The following B3GLCT variants were observed in gnomAD, a reference collection of about 807,000 sequenced individuals.
B3GLCT encodes beta-1,3-glucosyltransferase.
Under a neutral mutation model 63.4 loss-of-function variants are expected in B3GLCT, and 65 were observed. That is an observed-to-expected ratio of 1.03 (90% CI 0.84 to 1.26). B3GLCT has a LOEUF of 1.26. B3GLCT is among the 50% of genes most tolerant of loss of function. The probability of loss-of-function intolerance (pLI) is 0.00; values close to 1 mark genes in which losing one functional copy is unlikely to be tolerated. For missense variants in B3GLCT, 577 were observed against 604.8 expected, an observed-to-expected ratio of 0.95 and a Z score of 0.48; for synonymous variants, 233 against 219.2, an observed-to-expected ratio of 1.06 and a Z score of -0.55.
intron 14 of B3GLCT, among the ~76,000 whole-genome samples, chr13:31,326,247 A>C (rs371226985): frequency 7.0e-6 from 1 of 142,302 alleles, no homozygotes; most frequent in Non-Finnish European, 1.5e-5. Context: ...GAAAGGTTCT[A>C]ATTTTGCCCA....
intron 2 of B3GLCT, among the ~76,000 whole-genome samples, chr13:31,217,320 C>A (rs1460339274): frequency 6.6e-6 from 1 of 152,080 alleles, no homozygotes; most frequent in African/African-American, 2.4e-5. Flanking sequence ...GATTAGCTTA[C>A]ATTCCTTATA....
intron 7 of B3GLCT, among the ~76,000 whole-genome samples, chr13:31,261,569 C>T (rs1247500081): frequency 1.3e-5 from 2 of 152,112 alleles, no homozygotes; most frequent in Non-Finnish European, 2.9e-5. Context: ...TCATACCTAG[C>T]TATTTGTGTG....
intron 12 of B3GLCT, among the ~76,000 whole-genome samples, chr13:31,311,096 AG>A (rs1874682805): frequency 6.6e-6 from 1 of 152,260 alleles, no homozygotes; most frequent in East Asian, 1.9e-4. Flanking sequence ...CAACAGGAGA[AG>A]GTCAGAGAGA....
rs796656819 is a variant in B3GLCT, at chr13:31,277,389, T to TA, written c.850+629dup. ...ATTCTGCTAAGTTGTGACGATAATG[T>TA]AAAAAAAAAAAGCCCATCCTAAATA... On this transcript the variant is annotated intron_variant, in intron 10 of 14. Transcript: ENST00000343307. 6.7e-3 allele frequency among the ~76,000 whole-genome samples: 972 copies of TA among 144,158 alleles called. 16 individuals are homozygous for TA. Among genetic ancestry groups the TA allele is most frequent in the African/African-American group, 0.02 (816 of 39,810 alleles). The allele number at this position is 144,158 out of a possible 152,430, so 94.6% of individuals were successfully genotyped here.
At chr13:31,237,565 G>T (rs1291087051) in intron 4 of B3GLCT, among the ~76,000 whole-genome samples, 2 of 152,190 alleles carry the variant, frequency 1.3e-5, no homozygotes, top group East Asian at 1.9e-4. Context: ...ATGTTGGCCA[G>T]GCTTCTCTCG....
rs1365347250 is a variant in B3GLCT at position 31,216,038 on chromosome 13, A to G, written c.120+938A>G. ...TTTGCACTAGATCAGTTTAGCATGT[A>G]AAAAAGGAAACAGTAGTTTAAAATA... On this transcript the variant is annotated intron_variant, in intron 2 of 14. Transcript: ENST00000343307. Among the ~76,000 whole-genome samples the G allele has an allele frequency of 3.3e-5, 5 of 152,218 alleles. No individual in the cohort carries two copies. The East Asian group carries it at 9.6e-4, about 29-fold the overall frequency.
chr13:31,308,784 TC>T (rs760874423), intron 12 of B3GLCT, among the ~76,000 whole-genome samples: 1 of 152,204 alleles, frequency 6.6e-6, no homozygotes, highest in Non-Finnish European at 1.5e-5. Flanking sequence ...TCTTCCCTTC[TC>T]CCACAGGTCA....
intron 3 of B3GLCT, 94 bp downstream of exon 3, chr13:31,223,085 ATGGGG>A: frequency 1.2e-6 from 1 of 852,958 alleles, no homozygotes; most frequent in Non-Finnish European, 2.0e-6. Context: ...GATTTTATTT[ATGGGG>A]TAAATATTGT....
intron 1 of B3GLCT, among the ~76,000 whole-genome samples, chr13:31,207,477 C>T (rs184740092): frequency 3.9e-5 from 6 of 152,124 alleles, no homozygotes; most frequent in East Asian, 3.9e-4. Context: ...TCCTGAGTGA[C>T]GGTTTTTAAA....
chr13:31,323,890 C>T lies in B3GLCT; in HGVS notation c.1324C>T (p.His442Tyr), dbSNP rs376395941. 105 of 1,614,060 alleles carry T rather than the reference C, an allele frequency of 6.5e-5. No individual in the cohort carries two copies. The highest frequency in any genetic ancestry group is 8.1e-5 in the Non-Finnish European group (95 of 1,180,010). ...GIPVTHSPLF[H>Y]QARPVDYPKD... ...CCCTGTGACACACAGCCCTCTCTTC[C>T]ATCAGGTGAGGAAATGGTTTTTATT... The change falls in exon 14 of 15, where the codon CAT (histidine) becomes TAT (tyrosine). Residue 442 changes from histidine (H) to tyrosine (Y), a missense_variant. Coordinates refer to ENST00000343307, the MANE Select transcript of B3GLCT (RefSeq NM_194318.4).
At chr13:31,216,434 G>GT (rs2137748738) in intron 2 of B3GLCT, among the ~76,000 whole-genome samples, 1 of 151,034 alleles carries the variant, frequency 6.6e-6, no homozygotes, top group Non-Finnish European at 1.5e-5. Context: ...GTGCAGGTTT[G>GT]TTTGTTTGTT....
chr13:31,297,177 A>G (rs1016321243), intron 12 of B3GLCT, among the ~76,000 whole-genome samples: 13 of 152,120 alleles, frequency 8.5e-5, no homozygotes, highest in South Asian at 2.1e-4. Context: ...TTATCCATTC[A>G]TCTGTTGATG....
chr13:31,282,362 G>A (rs1309319932), intron 10 of B3GLCT, among the ~76,000 whole-genome samples: 1 of 152,154 alleles, frequency 6.6e-6, no homozygotes, highest in Non-Finnish European at 1.5e-5. Context: ...AGACAGGGCC[G>A]AGTGCGGTGG....
At position 31,244,904 on chromosome 13, in the gene B3GLCT, T is replaced by C. The variant is rs189147883; in HGVS notation, c.271-2119T>C. On this transcript the variant is annotated intron_variant, in intron 4 of 14. Transcript: ENST00000343307. ...CTGAGTGCCAAAGTAGCACCTACTT[T>C]GTATTTTTGAGTACTCACCTTTGGA... Among the ~76,000 whole-genome samples the C allele has an allele frequency of 1.2e-3, 187 of 152,280 alleles. 1 individual carries two copies. Among genetic ancestry groups the C allele is most frequent in the Admixed American group, 3.0e-3 (46 of 15,298 alleles).
chr13:31,237,221 C>T (rs1870698494), intron 4 of B3GLCT, among the ~76,000 whole-genome samples: 1 of 151,802 alleles, frequency 6.6e-6, no homozygotes, highest in African/African-American at 2.4e-5. Flanking sequence ...GATAACTTCA[C>T]CTGGAACTAA....
chr13:31,208,428 G>T (rs1869080539), intron 1 of B3GLCT, among the ~76,000 whole-genome samples: 1 of 152,116 alleles, frequency 6.6e-6, no homozygotes, highest in African/African-American at 2.4e-5. Flanking sequence ...ACACCCCTGT[G>T]CTGGGCTCAC....
Position 31,329,502 on chromosome 13 carries a change from C to T in B3GLCT, c.1331C>T (p.Ala444Val), listed in dbSNP as rs1448298001. Reference protein sequence around the residue: ...PVTHSPLFHQARPVDYPKDYL... With the variant: ...PVTHSPLFHQVRPVDYPKDYL... Reference sequence around the variant, plus strand: ...CCTAACTCTCTATTTTTCCTGCAGGCTCGGCCGGTGGATTACCCTAAGGAC... The same window carrying T: ...CCTAACTCTCTATTTTTCCTGCAGGTTCGGCCGGTGGATTACCCTAAGGAC... The change falls in exon 15 of 15, where the codon GCT becomes GTT. Residue 444 changes from alanine to valine, a missense_variant and splice_region_variant. Coordinates refer to ENST00000343307, the MANE Select transcript of B3GLCT (RefSeq NM_194318.4). 6.2e-7 allele frequency: 1 copy of T among 1,614,166 alleles called. No homozygotes were observed. Among genetic ancestry groups the T allele is most frequent in the Non-Finnish European group, 8.5e-7 (1 of 1,180,022 alleles).
At chr13:31,269,455 A>T (rs1349937981) in intron 8 of B3GLCT, among the ~76,000 whole-genome samples, 178 bp downstream of exon 8, 1 of 152,180 alleles carries the variant, frequency 6.6e-6, no homozygotes, top group African/African-American at 2.4e-5. Context: ...CATTTCAGTT[A>T]TGTAGATGAA....
chr13:31,274,647 ACTT>A lies in B3GLCT; in HGVS notation c.780+23_780+25del, dbSNP rs750769981. ...GCTTTGTGTGAGTAACAGAAGAAAA[ACTT>A]CTTTGCATATCAAAGGAAAAATTTA... On this transcript the variant is annotated intron_variant, in intron 9 of 14. Transcript: ENST00000343307. 4.3e-6 allele frequency: 7 copies of A among 1,613,974 alleles called. No homozygotes were observed. Among genetic ancestry groups the A allele is most frequent in the Admixed American group, 1.7e-5 (1 of 60,004 alleles).
Sources: allele counts gnomAD v4.1 joint callset (sites outside exome capture counted in the v4.1 genomes callset), GRCh38; gene constraint gnomAD v4.1.1; transcripts MANE v1.5; gene names NCBI Gene and HGNC (gene_info 2026-07-23, HGNC 2026-07-21).